ZFYVE26: variants seen among roughly 807,000 people sequenced by gnomAD.
ZFYVE26 encodes zinc finger FYVE domain-containing protein 26.
In ZFYVE26, 181 loss-of-function variants were observed where a neutral mutation model predicts 276.5. The observed-to-expected ratio is 0.65, with a 90% CI of 0.58 to 0.74. The LOEUF is 0.74. Ranked by LOEUF, ZFYVE26 falls within the 30% of genes least tolerant of loss-of-function variation. The pLI, the probability that ZFYVE26 is intolerant of heterozygous loss-of-function variation, is 0.00. For synonymous variants in ZFYVE26, 1,129 were observed against 1,203.1 expected (o/e 0.94, Z 1.27); for missense variants, 2,821 against 3,097.9 (o/e 0.91, Z 2.12).
rs552978830 is a variant in ZFYVE26, at chr14:67,802,835, C to T, written c.1436-553G>A. On this transcript the variant is annotated intron_variant, in intron 9 of 41. Transcript: ENST00000347230. The stretch of plus-strand genomic sequence containing the variant: ...ACTGGTTCTCCAATTAGTAGTAGGT[C>T]CTTTTGAAAAGTAAAGCAACATCCA... Among the ~76,000 whole-genome samples the T allele has an allele frequency of 5.1e-4, 78 of 152,166 alleles. No homozygotes were observed. In the South Asian group the frequency reaches 5.6e-3, roughly 11 times the overall value.
At chr14:67,746,146 T>C (rs1391615613), downstream of ZFYVE26, among the ~76,000 whole-genome samples, 1 of 152,122 alleles carries the variant, frequency 6.6e-6, no homozygotes, top group Non-Finnish European at 1.5e-5. Context: ...TGGAACACTT[T>C]AGTCATTTGC....
chr14:67,772,979 A>G (rs970238896), intron 27 of ZFYVE26, among the ~76,000 whole-genome samples: 10 of 152,132 alleles, frequency 6.6e-5, no homozygotes, highest in African/African-American at 2.4e-4. Context: ...AGAAAAAAAG[A>G]TTTAAGAGAT....
chr14:67,769,858 T>C lies in ZFYVE26; in HGVS notation c.5485-128A>G, dbSNP rs2039160640. ...TAAGAACACCAACTGCTTGGGTCTC[T>C]ATTGGAAAAGGACACACCAGTCCTT... On this transcript the variant is annotated intron_variant, in intron 28 of 41. Transcript: ENST00000347230. The C allele has an allele frequency of 2.3e-6, 3 of 1,321,612 alleles. 1 individual carries two copies. Among genetic ancestry groups the C allele is most frequent in the African/African-American group, 2.9e-5 (2 of 69,092 alleles). The allele number at this position is 1,321,612 out of a possible 1,614,324, so 81.9% of individuals were successfully genotyped here.
Position 67,783,116 on chromosome 14 carries a change from G to T in ZFYVE26, c.4036C>A (p.Pro1346Thr). The T allele has an allele frequency of 6.2e-7, 1 of 1,610,190 alleles. No individual in the cohort carries two copies. The highest frequency in any genetic ancestry group is 8.5e-7 in the Non-Finnish European group (1 of 1,177,118). The change falls in exon 21 of 42, where the codon CCT becomes ACT. Residue 1346 changes from proline (P) to threonine (T), a missense_variant. Pro to Thr is a conservative substitution (Grantham distance 38). Transcript: ENST00000347230. ...CGGGCTACCTGCTCTGCAGCCAGAG[G>T]CACCTCCCTGCGGCCACGAAGTTCC... ...WKELRGRREV[P>T]LAAEQVAREC...
downstream of ZFYVE26, among the ~76,000 whole-genome samples, chr14:67,741,868 A>G (rs1486858803): frequency 6.6e-6 from 1 of 152,092 alleles, no homozygotes; most frequent in Non-Finnish European, 1.5e-5. Flanking sequence ...CAAAGACTAC[A>G]CCTCCATCAC....
At chr14:67,731,175 A>G (rs542286609) in intron 13 of ZFYVE26, among the ~76,000 whole-genome samples, 5 of 150,478 alleles carry the variant, frequency 3.3e-5, no homozygotes, top group Admixed American at 1.3e-4. Context: ...TATGTGGCTC[A>G]CAATTGTGTT....
In ZFYVE26 at chr14:67,798,438, C is replaced by G; in HGVS notation, c.1824G>C (p.Lys608Asn). 1 of 1,614,068 alleles carries G rather than the reference C, an allele frequency of 6.2e-7. No homozygotes were observed. Among genetic ancestry groups the G allele is most frequent in the South Asian group, 1.1e-5 (1 of 91,082 alleles). The change falls in exon 11 of 42, where the codon AAG becomes AAC. Residue 608 changes from lysine (K) to asparagine (N), a missense_variant. Physicochemically the swap from Lys to Asn is moderately conservative, Grantham distance 94. Transcript: ENST00000347230. ...DYAEDDDIEGKSPSGLRSPSE... is the reference protein window; with the variant it reads ...DYAEDDDIEGNSPSGLRSPSE... The stretch of plus-strand genomic sequence containing the variant: ...ATGGGGACCTCAAACCTGAGGGGCT[C>G]TTCCCCTCAATGTCATCATCCTCAG...
chr14:67,748,553 G>C lies in ZFYVE26; in HGVS notation c.7503C>G (p.Val2501=), dbSNP rs1594878153. The C allele has an allele frequency of 6.2e-7, 1 of 1,614,172 alleles. No homozygotes were observed. Among genetic ancestry groups the C allele is most frequent in the Non-Finnish European group, 8.5e-7 (1 of 1,180,024 alleles). The part of the protein sequence containing the change: ...KQEHSRATAL[V]QQVQQAAKSS... ...TCTTGGCGGCCTGCTGCACCTGCTG[G>C]ACAAGGGCTGTGGCCCGTGAGTGTT... The change falls in exon 42 of 42, where the codon GTC becomes GTG. Residue 2501 remains valine (V), a synonymous_variant. Coordinates refer to ENST00000347230, the MANE Select transcript of ZFYVE26 (RefSeq NM_015346.4).
intron 21 of ZFYVE26, among the ~76,000 whole-genome samples, chr14:67,782,049 A>G (rs1184117446): frequency 6.6e-6 from 1 of 152,220 alleles, no homozygotes; most frequent in Non-Finnish European, 1.5e-5. Flanking sequence ...CCAAGCAATT[A>G]AGAACACACA....
Position 67,798,387 on chromosome 14 carries a change from A to G in ZFYVE26, c.1875T>C (p.His625=), listed in dbSNP as rs2140243137. 2 of 1,610,470 alleles carry G rather than the reference A, an allele frequency of 1.2e-6. No homozygotes were observed. Among genetic ancestry groups the G allele is most frequent in the East Asian group, 4.5e-5 (2 of 44,808 alleles). Reference sequence around the variant, plus strand: ...AACCCCGTTCTGACTTCCTTTCAGGATGTGCTATGTGCTGAGGGCTCTCTG... The same window carrying G: ...AACCCCGTTCTGACTTCCTTTCAGGGTGTGCTATGTGCTGAGGGCTCTCTG... ...SPSESPQHIA[H]PERKSERGSL... is the part of the protein sequence containing the mutation. Residue 625 remains histidine (H), a synonymous_variant, in exon 11 of 42, where the codon CAT becomes CAC. Coordinates refer to ENST00000347230, the MANE Select transcript of ZFYVE26 (RefSeq NM_015346.4).
intron 13 of ZFYVE26, among the ~76,000 whole-genome samples, chr14:67,741,054 T>C (rs1172102095): frequency 6.6e-6 from 1 of 152,180 alleles, no homozygotes; most frequent in East Asian, 1.9e-4. Flanking sequence ...TTAATGCAAG[T>C]ATTTATTATA....
At chr14:67,797,195 C>A (rs914927922) in intron 12 of ZFYVE26, 1 of 193,600 alleles carries the variant, frequency 5.2e-6, no homozygotes, top group African/African-American at 2.4e-5. Flanking sequence ...CCTAGTAATT[C>A]TGCTGCTAGG....
chr14:67,794,501 C>T (rs909250833), intron 12 of ZFYVE26, among the ~76,000 whole-genome samples: 1 of 152,192 alleles, frequency 6.6e-6, no homozygotes, highest in Non-Finnish European at 1.5e-5. Flanking sequence ...GCCCCAAGAA[C>T]TTTCAAGTTA....
chr14:67,806,776 A>G, intron 5 of ZFYVE26, 101 bp from the exon 6 acceptor site: 1 of 1,443,284 alleles, frequency 6.9e-7, no homozygotes, highest in South Asian at 1.2e-5. Context: ...TGCTCTTTTA[A>G]AAACTTAGGC....
chr14:67,769,980 T>C (rs1392654400), intron 28 of ZFYVE26: 2 of 538,876 alleles, frequency 3.7e-6, no homozygotes, highest in African/African-American at 3.8e-5. Flanking sequence ...GTTCTACTTG[T>C]GTATGGAGGC....
chr14:67,768,697 A>G (rs2039125237), intron 29 of ZFYVE26, 149 bp from the exon 30 acceptor site: 3 of 748,714 alleles, frequency 4.0e-6, no homozygotes, highest in Non-Finnish European at 6.9e-6. Context: ...GTCCCCCATC[A>G]ATACTAACTG....
chr14:67,744,661 A>C (rs2038459912), downstream of ZFYVE26, among the ~76,000 whole-genome samples: 1 of 151,946 alleles, frequency 6.6e-6, no homozygotes, highest in Non-Finnish European at 1.5e-5. Context: ...AGAACATGCG[A>C]TGTTTCGTTT....
At chr14:67,806,422 A>C (rs1163271534) in intron 6 of ZFYVE26, 123 bp downstream of exon 6, 1 of 1,295,536 alleles carries the variant, frequency 7.7e-7, no homozygotes, top group Non-Finnish European at 1.1e-6. Flanking sequence ...GGACAAAACC[A>C]AATGACTCAA....
At chr14:67,803,032 A>G (rs916220325) in intron 9 of ZFYVE26, among the ~76,000 whole-genome samples, 1 of 152,218 alleles carries the variant, frequency 6.6e-6, no homozygotes, top group African/African-American at 2.4e-5. Flanking sequence ...TTCCCAAAAT[A>G]GATACAATTA....
Sources: allele counts gnomAD v4.1 joint callset (sites outside exome capture counted in the v4.1 genomes callset), GRCh38; gene constraint gnomAD v4.1.1; transcripts MANE v1.5; gene names NCBI Gene and HGNC (gene_info 2026-07-23, HGNC 2026-07-21).